Variants in NEK11 observed in about 807,000 individuals in gnomAD.
The protein encoded by NEK11 is serine/threonine-protein kinase Nek11.
A neutral mutation model predicts 80.7 loss-of-function variants in NEK11; 72 were observed. The observed-to-expected ratio is 0.89, with a 90% CI of 0.74 to 1.08. The LOEUF (loss-of-function observed/expected upper bound fraction) is 1.08. Ranked by LOEUF, NEK11 falls within the 50% of genes least tolerant of loss-of-function variation. The pLI is 0.00. For synonymous variants in NEK11, 251 were observed against 260.7 expected, an observed-to-expected ratio of 0.96 and a Z score of 0.36; for missense variants, 764 against 763.6, an observed-to-expected ratio of 1.00 and a Z score of -0.01.
At chr3:131,192,710 C>A (rs527477742) in intron 14 of NEK11, among the ~76,000 whole-genome samples, 2 of 152,234 alleles carry the variant, frequency 1.3e-5, no homozygotes, top group African/African-American at 4.8e-5. Flanking sequence ...CATAATTCTG[C>A]TTTAATGAGC....
intron 7 of NEK11, among the ~76,000 whole-genome samples, chr3:131,146,811 G>C (rs747183629): frequency 1.2e-3 from 179 of 152,114 alleles, no homozygotes; most frequent in Non-Finnish European, 6.6e-4. Context: ...TAAAAATGTT[G>C]AGCGTCTTCT....
intron 14 of NEK11, among the ~76,000 whole-genome samples, chr3:131,216,695 C>T (rs774054062): frequency 8.6e-5 from 13 of 152,002 alleles, no homozygotes; most frequent in Non-Finnish European, 1.6e-4. Flanking sequence ...TAAAAGATAC[C>T]TGGACTGTTC....
At chr3:131,237,265 G>A (rs1426128813) in intron 15 of NEK11, among the ~76,000 whole-genome samples, 2 of 152,162 alleles carry the variant, frequency 1.3e-5, no homozygotes, top group African/African-American at 4.8e-5. Context: ...GAGCCCAAGA[G>A]GTTGAGGCTG....
intron 17 of NEK11, among the ~76,000 whole-genome samples, chr3:131,332,871 T>C (rs1257397991): frequency 6.6e-6 from 1 of 152,142 alleles, no homozygotes; most frequent in African/African-American, 2.4e-5. Context: ...GTATCAGTGA[T>C]GGAAGACTAA....
intron 5 of NEK11, among the ~76,000 whole-genome samples, chr3:131,115,879 A>G (rs1327035990): frequency 1.3e-5 from 2 of 150,832 alleles, no homozygotes; most frequent in African/African-American, 4.9e-5. Context: ...TAGAGTGGCT[A>G]AAATGTTCCC....
chr3:131,338,265 G>GTTTTT lies in NEK11; in HGVS notation c.1719-11292_1719-11291insTTTTT, dbSNP rs1554023900. 1.2e-4 allele frequency among the ~76,000 whole-genome samples: 11 copies of GTTTTT among 91,600 alleles called. 1 individual carries two copies. Among genetic ancestry groups the GTTTTT allele is most frequent in the African/African-American group, 3.9e-4 (8 of 20,596 alleles). The allele number at this position is 91,600 out of a possible 152,430, so 60.1% of individuals were successfully genotyped here. On this transcript the variant is annotated intron_variant, in intron 17 of 17. Transcript: ENST00000383366. The stretch of plus-strand genomic sequence containing the variant: ...CAGGCATGAGCCACGGCGCCCAGCT[G>GTTTTT]GTTTTTTTTTTTTTTTTTTTTTTTT...
chr3:131,246,894 T>C (rs1188483096), intron 16 of NEK11, among the ~76,000 whole-genome samples: 1 of 152,174 alleles, frequency 6.6e-6, no homozygotes, highest in African/African-American at 2.4e-5. Flanking sequence ...CATATGCTTG[T>C]TGGCCATTTG....
chr3:131,077,481 T>C (rs761985089), intron 3 of NEK11, among the ~76,000 whole-genome samples: 42 of 152,188 alleles, frequency 2.8e-4, no homozygotes, highest in South Asian at 8.3e-4. Flanking sequence ...GATTTTATGC[T>C]TTATCATCAA....
intron 3 of NEK11, among the ~76,000 whole-genome samples, chr3:131,066,999 A>G (rs2072147658): frequency 6.6e-6 from 1 of 152,204 alleles, no homozygotes; most frequent in African/African-American, 2.4e-5. Context: ...TTCCTAGCAC[A>G]GTACATGGTG....
intron 14 of NEK11, among the ~76,000 whole-genome samples, chr3:131,226,917 T>A (rs75791212): frequency 0.029 from 4,421 of 151,920 alleles, 95 homozygotes; most frequent in East Asian, 0.086. Context: ...ATATAATGAC[T>A]AGAAGCCACG....
At chr3:131,046,244 G>A (rs182388847) in intron 3 of NEK11, among the ~76,000 whole-genome samples, 11 of 152,180 alleles carry the variant, frequency 7.2e-5, no homozygotes, top group Non-Finnish European at 1.2e-4. Context: ...GGTGTATTGC[G>A]AAAATGTGTT....
chr3:131,117,403 G>A (rs368772061), intron 5 of NEK11, among the ~76,000 whole-genome samples: 3 of 152,316 alleles, frequency 2.0e-5, no homozygotes, highest in East Asian at 3.9e-4. Flanking sequence ...TTGAAGTCAG[G>A]TTGTGTGATG....
At chr3:131,104,679 G>A (rs1286292077) in intron 4 of NEK11, among the ~76,000 whole-genome samples, 1 of 152,144 alleles carries the variant, frequency 6.6e-6, no homozygotes, top group East Asian at 1.9e-4. Context: ...AGAGGTGCAC[G>A]AGAGAGCCTG....
chr3:131,270,549 A>G (rs1033184290), intron 16 of NEK11, among the ~76,000 whole-genome samples: 1 of 152,266 alleles, frequency 6.6e-6, no homozygotes, highest in Admixed American at 6.5e-5. Context: ...TGATTGTTAA[A>G]TGAATTGTCC....
intron 4 of NEK11, among the ~76,000 whole-genome samples, chr3:131,088,755 A>T (rs911858869): frequency 2.0e-5 from 3 of 152,228 alleles, no homozygotes; most frequent in Non-Finnish European, 2.9e-5. Context: ...GTTCATTTAT[A>T]TTATTAGAAA....
intron 17 of NEK11, among the ~76,000 whole-genome samples, chr3:131,307,592 G>A (rs552401577): frequency 6.6e-6 from 1 of 152,280 alleles, no homozygotes; most frequent in African/African-American, 2.4e-5. Context: ...GGAAGGTGAG[G>A]AAGTCAGTGT....
chr3:131,076,727 C>G (rs1277035000), intron 3 of NEK11, among the ~76,000 whole-genome samples: 1 of 152,210 alleles, frequency 6.6e-6, no homozygotes, highest in Non-Finnish European at 1.5e-5. Flanking sequence ...GACATCCTTA[C>G]CTCAACTTTA....
chr3:131,114,870 A>G (rs956713725), intron 5 of NEK11, among the ~76,000 whole-genome samples: 2 of 152,230 alleles, frequency 1.3e-5, no homozygotes, highest in African/African-American at 4.8e-5. Context: ...AAATTACATA[A>G]ATTGGCTTAC....
At chr3:131,174,840 A>G in intron 14 of NEK11, 1 of 1,593,794 alleles carries the variant, frequency 6.3e-7, no homozygotes. Flanking sequence ...GCCTGGGTCT[A>G]CAAGGAGCAT....
Sources: allele counts gnomAD v4.1 joint callset (sites outside exome capture counted in the v4.1 genomes callset), GRCh38; gene constraint gnomAD v4.1.1; transcripts MANE v1.5; gene names NCBI Gene and HGNC (gene_info 2026-07-23, HGNC 2026-07-21).